MYO1G: variants seen among roughly 807,000 people sequenced by gnomAD.
The protein encoded by MYO1G is unconventional myosin-Ig.
Under a neutral mutation model 115.3 loss-of-function variants are expected in MYO1G, and 65 were observed. The ratio of observed to expected loss-of-function variants is 0.56; its 90% CI spans 0.46 to 0.69. MYO1G has a LOEUF of 0.69. Among genes scored for constraint, MYO1G ranks in the 30% least tolerant of loss-of-function variants. The pLI is 0.00. For synonymous variants in MYO1G, 510 were observed against 552.6 expected (o/e 0.92, Z 1.08); for missense variants, 1,204 against 1,393.5 (o/e 0.86, Z 2.16).
intron 16 of MYO1G, 61 bp from the exon 17 acceptor site, chr7:44,965,921 C>A: frequency 6.4e-7 from 1 of 1,564,340 alleles, no homozygotes; most frequent in Middle Eastern, 2.2e-4. Flanking sequence ...AACCCTTAGA[C>A]CCAAACCTGG....
At chr7:44,975,073 G>T (rs1267265826) in intron 5 of MYO1G, 101 bp downstream of exon 5, 2 of 1,241,354 alleles carry the variant, frequency 1.6e-6, no homozygotes, top group East Asian at 2.3e-5. Context: ...GGGCAGAGAG[G>T]GGGAATTGGG....
intron 3 of MYO1G, among the ~76,000 whole-genome samples, 178 bp downstream of exon 3, chr7:44,976,386 T>C (rs984849468): frequency 1.2e-4 from 18 of 152,192 alleles, no homozygotes; most frequent in African/African-American, 4.1e-4. Flanking sequence ...TTGGCATGGG[T>C]CACCCTGTCT....
At chr7:44,971,869 C>T in intron 6 of MYO1G, 80 bp from the exon 7 acceptor site, 1 of 1,080,246 alleles carries the variant, frequency 9.3e-7, no homozygotes, top group Non-Finnish European at 1.4e-6. Context: ...ATTCCTCCAT[C>T]CTAGGCACCT....
At chr7:44,965,974 G>T in intron 16 of MYO1G, 99 bp downstream of exon 16, 1 of 1,545,686 alleles carries the variant, frequency 6.5e-7, no homozygotes, top group Non-Finnish European at 8.8e-7. Context: ...TCTCCATCAA[G>T]CAGAGACTCC....
At chr7:44,965,248 G>A (rs999159703) in intron 17 of MYO1G, among the ~76,000 whole-genome samples, 159 bp from the exon 18 acceptor site, 3 of 152,224 alleles carry the variant, frequency 2.0e-5, no homozygotes, top group Non-Finnish European at 2.9e-5. Context: ...TGTGCCTAAC[G>A]CTTGTTCCTG....
At chr7:44,968,329 G>A (rs1389467654) in intron 12 of MYO1G, among the ~76,000 whole-genome samples, 1 of 152,118 alleles carries the variant, frequency 6.6e-6, no homozygotes, top group Non-Finnish European at 1.5e-5. Flanking sequence ...AGTGCCTACT[G>A]AATTTTGATA....
rs149694733 is a variant in MYO1G at position 44,967,708 on chromosome 7, G to A, written c.1679C>T (p.Pro560Leu). ...STDPTLRAMW[P>L]DGQQDITEVT... The stretch of plus-strand genomic sequence containing the variant: ...CTCTGTGATGTCCTGCTGCCCGTCC[G>A]GCCACATGGCCCGTAGAGTGGGGTC... Residue 560 changes from proline (P) to leucine (L), a missense_variant, in exon 14 of 22, where the codon CCG becomes CTG. Coordinates refer to ENST00000258787, the MANE Select transcript of MYO1G (RefSeq NM_033054.3). 3.3e-5 allele frequency: 54 copies of A among 1,613,514 alleles called. No individual in the cohort carries two copies. Among genetic ancestry groups the A allele is most frequent in the Non-Finnish European group, 4.0e-5 (47 of 1,180,022 alleles).
chr7:44,962,932 C>G lies in MYO1G; in HGVS notation c.2901-37G>C. ...GGAGGGGTCAGGGCGGCCACGCGGC[C>G]GGGGCTTCGTGCCCGCTACCGCCCA... On this transcript the variant is annotated intron_variant, in intron 21 of 21. Transcript: ENST00000258787. This position sits in a 1 kb window ranked among gnomAD's most constrained non-coding sequence, Gnocchi z 5.3. 6.7e-7 allele frequency: 1 copy of G among 1,502,458 alleles called. No individual in the cohort carries two copies. The highest frequency in any genetic ancestry group is 8.9e-7 in the Non-Finnish European group (1 of 1,128,842). The allele number at this position is 1,502,458 out of a possible 1,614,324, so 93.1% of individuals were successfully genotyped here.
intron 1 of MYO1G, among the ~76,000 whole-genome samples, 195 bp downstream of exon 1, chr7:44,978,672 C>T (rs1002450228): frequency 6.6e-6 from 1 of 152,206 alleles, no homozygotes; most frequent in Admixed American, 6.5e-5. Flanking sequence ...GGGACAGTTG[C>T]CTCCTTGTCT....
Position 44,969,856 on chromosome 7 carries a change from G to A in MYO1G, c.1352C>T (p.Ala451Val). Residue 451 changes from alanine to valine, a missense_variant, in exon 11 of 22, where the codon GCC becomes GTC. Coordinates refer to ENST00000258787, the MANE Select transcript of MYO1G (RefSeq NM_033054.3). The surrounding 1 kb of genome is among the most constrained non-coding windows in gnomAD (Gnocchi z 5.0). ...CCGCTCCACCAGATCCACAATGGTGGCGTTGTTGAAATACTCAACCTGGGG... is the reference window on the plus strand; with the variant it reads ...CCGCTCCACCAGATCCACAATGGTGACGTTGTTGAAATACTCAACCTGGGG... ...TWQSVEYFNNATIVDLVERPH... is the reference protein window; with the variant it reads ...TWQSVEYFNNVTIVDLVERPH... 1 of 1,609,770 alleles carries A rather than the reference G, an allele frequency of 6.2e-7. No individual in the cohort carries two copies. Among genetic ancestry groups the A allele is most frequent in the Non-Finnish European group, 8.5e-7 (1 of 1,177,742 alleles).
intron 14 of MYO1G, among the ~76,000 whole-genome samples, chr7:44,967,192 C>T (rs769682996): frequency 3.3e-5 from 5 of 152,250 alleles, no homozygotes; most frequent in Admixed American, 6.5e-5. Flanking sequence ...TGACCCTTCA[C>T]CTGTTCCTCT....
Position 44,967,900 on chromosome 7 carries a change from GC to G in MYO1G, c.1632del (p.Lys544AsnfsTer26). 2 of 1,614,028 alleles carry G rather than the reference GC, an allele frequency of 1.2e-6. No individual in the cohort carries two copies. The highest frequency in any genetic ancestry group is 1.7e-6 in the Non-Finnish European group (2 of 1,180,014). On this transcript the variant is annotated frameshift_variant, in exon 13 of 22. Coordinates refer to ENST00000258787, the MANE Select transcript of MYO1G (RefSeq NM_033054.3). LOFTEE classifies it high-confidence loss of function. ...CGTGCTCACCTGTTGTACAGCAGCC[GC>G]TTGAAGTCCTGGAAGAGGAAATCTC... ...KNRDFLFQDFKRLLYNSTDPT... is the reference protein window; with the variant it reads ...KNRDFLFQDFXRLLYNSTDPT...
Position 44,965,648 on chromosome 7 carries a change from T to C in MYO1G, c.2370A>G (p.Ala790=). 6.2e-7 allele frequency: 1 copy of C among 1,613,106 alleles called. No individual in the cohort carries two copies. ...VLQPFQDTCH[A]LFCRWRARQL... is the part of the protein sequence containing the mutation. ...GCTGAGAGTAGTACCTGCAGAAGAG[T>C]GCGTGGCAGGTGTCCTGGAAGGGCT... The change falls in exon 17 of 22, where the codon GCA becomes GCG. Residue 790 remains alanine, a synonymous_variant. Coordinates refer to ENST00000258787, the MANE Select transcript of MYO1G (RefSeq NM_033054.3).
chr7:44,964,085 C>G lies in MYO1G; in HGVS notation c.2709G>C (p.Arg903=). 1 of 1,605,142 alleles carries G rather than the reference C, an allele frequency of 6.2e-7. No homozygotes were observed. The highest frequency in any genetic ancestry group is 1.1e-5 in the South Asian group (1 of 89,204). ...GCACGGCCCGCATCACCCGGTACTG[C>G]CGGTCAGGGTCCAGCTTGTAGAGGT... The part of the protein sequence containing the change: ...DQHLYKLDPD[R]QYRVMRAVPL... The change falls in exon 20 of 22, where the codon CGG becomes CGC. Residue 903 remains arginine (R), a synonymous_variant. Transcript: ENST00000258787. The surrounding 1 kb of genome is among the most constrained non-coding windows in gnomAD (Gnocchi z 5.1).
At chr7:44,970,282 T>C in intron 9 of MYO1G, 128 bp from the exon 10 acceptor site, 1 of 755,356 alleles carries the variant, frequency 1.3e-6, no homozygotes, top group Non-Finnish European at 2.2e-6. Context: ...CCTGTGTGGC[T>C]TCCCTGTGGC....
At chr7:44,977,520 G>A (rs57367343) in intron 1 of MYO1G, among the ~76,000 whole-genome samples, 159 of 152,250 alleles carry the variant, frequency 1.0e-3, no homozygotes, top group African/African-American at 3.6e-3. Context: ...AGGCCTGGGC[G>A]GGAACCCAGA....
Position 44,969,259 on chromosome 7 carries a change from T to C in MYO1G, c.1574+154A>G. On this transcript the variant is annotated intron_variant, in intron 12 of 21. Coordinates refer to ENST00000258787, the MANE Select transcript of MYO1G (RefSeq NM_033054.3). The surrounding 1 kb of genome is among the most constrained non-coding windows in gnomAD (Gnocchi z 5.0). ...TCCTGCTCTTCACTTGTGAATCTGC[T>C]GTCCGGCATGTTTCAGTGTCTTAAA... 1.4e-6 allele frequency: 1 copy of C among 714,596 alleles called. No individual in the cohort carries two copies. The highest frequency in any genetic ancestry group is 1.6e-5 in the South Asian group (1 of 63,664). 44.3% of individuals were successfully genotyped at this position (714,596 alleles called of 1,614,324 possible). A position where few individuals can be genotyped will look rare whatever the true frequency, so the allele number is the denominator to read the frequency against.
intron 14 of MYO1G, 39 bp downstream of exon 14, chr7:44,967,566 G>T: frequency 6.2e-7 from 1 of 1,612,258 alleles, no homozygotes; most frequent in South Asian, 1.1e-5. Context: ...CAGAGAGAAG[G>T]ATCCGGAACA....
At chr7:44,968,824 AGGT>A in intron 12 of MYO1G, 1 of 154,636 alleles carries the variant, frequency 6.5e-6, no homozygotes, top group Non-Finnish European at 1.4e-5. Flanking sequence ...GAACAGATAA[AGGT>A]AGATGATATT....
Sources: allele counts gnomAD v4.1 joint callset (sites outside exome capture counted in the v4.1 genomes callset), GRCh38; gene constraint gnomAD v4.1.1; non-coding constraint Gnocchi (gnomAD v3.1); transcripts MANE v1.5; gene names NCBI Gene and HGNC (gene_info 2026-07-23, HGNC 2026-07-21).